Variants in CPEB1 observed in about 807,000 individuals in gnomAD.
The protein encoded by CPEB1 is cytoplasmic polyadenylation element binding protein 1, also known as cytoplasmic polyadenylation element-binding protein 1.
A neutral mutation model predicts 65.8 loss-of-function variants in CPEB1; 7 were observed. That is an observed-to-expected ratio of 0.11 (90% CI 0.06 to 0.20). CPEB1 has a LOEUF of 0.20. CPEB1 is among the 10% of genes least tolerant of loss of function. The pLI is 1.00. For synonymous variants in CPEB1, 262 were observed against 260.0 expected, an observed-to-expected ratio of 1.01 and a Z score of -0.08; for missense variants, 551 against 712.2, an observed-to-expected ratio of 0.77 and a Z score of 2.58.
intron 1 of CPEB1, among the ~76,000 whole-genome samples, chr15:82,646,512 G>T (rs1446289278): frequency 6.6e-6 from 1 of 152,126 alleles, no homozygotes; most frequent in Non-Finnish European, 1.5e-5. Context: ...AGGCACCCCG[G>T]CTTCTAAGAG....
chr15:82,566,870 G>A (rs1229668999), intron 4 of CPEB1, among the ~76,000 whole-genome samples: 1 of 151,882 alleles, frequency 6.6e-6, no homozygotes, highest in Non-Finnish European at 1.5e-5. Flanking sequence ...TTACATCACC[G>A]TCCCCTAGAA....
chr15:82,636,836 A>T (rs767666541), intron 1 of CPEB1, among the ~76,000 whole-genome samples: 6 of 152,200 alleles, frequency 3.9e-5, no homozygotes, highest in Non-Finnish European at 8.8e-5. Context: ...ACCTTCATAA[A>T]TGGTAGTGAC....
Position 82,557,859 on chromosome 15 carries a change from G to A in CPEB1, c.588C>T (p.Arg196=), listed in dbSNP as rs752207571. The change falls in exon 5 of 13, where the codon CGC becomes CGT. Residue 196 remains arginine, a synonymous_variant. Coordinates refer to ENST00000684509, the MANE Select transcript of CPEB1 (RefSeq NM_001365242.1). ...KFPAPSVRGS[R]LDTRPILDSR... ...AGTCCAGGATGGGCCGGGTGTCCAG[G>A]CGTGATCCTCTAACTGAGGGTGCTG... 6.2e-7 allele frequency: 1 copy of A among 1,614,164 alleles called. No individual in the cohort carries two copies. The highest frequency in any genetic ancestry group is 1.7e-5 in the Admixed American group (1 of 60,024).
chr15:82,549,364 T>A, intron 10 of CPEB1, 96 bp downstream of exon 10: 1 of 1,272,614 alleles, frequency 7.9e-7, no homozygotes, highest in Non-Finnish European at 1.1e-6. Flanking sequence ...CAGACCTGGG[T>A]CAGGCCTCTC....
intron 3 of CPEB1, among the ~76,000 whole-genome samples, chr15:82,613,286 T>C (rs1364568681): frequency 6.6e-6 from 1 of 152,232 alleles, no homozygotes; most frequent in Non-Finnish European, 1.5e-5. Flanking sequence ...TATTCCTACA[T>C]CTATAGAATA....
At position 82,602,491 on chromosome 15, in the gene CPEB1, G is replaced by A. The variant is rs544862832; in HGVS notation, c.271+24702C>T. ...TTGAGCCCAGGAGTTTGAGGTTACA[G>A]TAAGGTATGATTGTGCCACTACCTT... On this transcript the variant is annotated intron_variant, in intron 3 of 12. Transcript: ENST00000684509. 3.3e-5 allele frequency among the ~76,000 whole-genome samples: 5 copies of A among 152,256 alleles called. No homozygotes were observed. The South Asian group carries it at 8.3e-4, about 25-fold the overall frequency.
At chr15:82,635,595 C>T (rs1396132153) in intron 1 of CPEB1, among the ~76,000 whole-genome samples, 1 of 152,038 alleles carries the variant, frequency 6.6e-6, no homozygotes, top group African/African-American at 2.4e-5. Flanking sequence ...ATAGTTCAAC[C>T]TAATATTATT....
At chr15:82,644,536 A>G (rs1404467719) in intron 1 of CPEB1, among the ~76,000 whole-genome samples, 2 of 152,138 alleles carry the variant, frequency 1.3e-5, no homozygotes, top group African/African-American at 2.4e-5. Context: ...TTTGGTCTAT[A>G]GTGTTTAAAA....
chr15:82,566,183 C>T (rs2039090331), intron 4 of CPEB1, among the ~76,000 whole-genome samples: 1 of 152,182 alleles, frequency 6.6e-6, no homozygotes, highest in Non-Finnish European at 1.5e-5. Flanking sequence ...AAGAGCCTGG[C>T]ACTGAATGCC....
At chr15:82,629,471 T>C (rs1204792098) in intron 1 of CPEB1, 4 of 983,978 alleles carry the variant, frequency 4.1e-6, no homozygotes, top group Non-Finnish European at 4.8e-6. Context: ...TAAAAAATCA[T>C]GAACCCTTAC....
chr15:82,599,023 AAAAT>A (rs962066772), intron 3 of CPEB1, among the ~76,000 whole-genome samples: 14 of 152,336 alleles, frequency 9.2e-5, no homozygotes, highest in African/African-American at 3.4e-4. Context: ...ACAAAGTTTT[AAAAT>A]AAATAATAAT....
At chr15:82,615,692 T>C (rs2044644999) in intron 3 of CPEB1, among the ~76,000 whole-genome samples, 1 of 152,174 alleles carries the variant, frequency 6.6e-6, no homozygotes. Flanking sequence ...TTTTGAAGTA[T>C]GACAACATCT....
At chr15:82,627,118 G>T in intron 3 of CPEB1, 75 bp downstream of exon 3, 2 of 1,168,548 alleles carry the variant, frequency 1.7e-6, no homozygotes, top group South Asian at 2.2e-5. Flanking sequence ...TTCCAAGGAA[G>T]ACCTCTTACA....
At chr15:82,618,643 G>C (rs1416226239) in intron 3 of CPEB1, among the ~76,000 whole-genome samples, 1 of 152,020 alleles carries the variant, frequency 6.6e-6, no homozygotes, top group African/African-American at 2.4e-5. Context: ...ATCTACTTCT[G>C]GAGCCAACAC....
intron 1 of CPEB1, among the ~76,000 whole-genome samples, chr15:82,631,301 A>C (rs558863009): frequency 4.8e-4 from 73 of 152,258 alleles, no homozygotes; most frequent in Admixed American, 1.5e-3. Flanking sequence ...TCTCTCACAT[A>C]CATCAAGCCA....
At chr15:82,548,633 C>A in intron 10 of CPEB1, 1 of 434,428 alleles carries the variant, frequency 2.3e-6, no homozygotes, top group Non-Finnish European at 4.6e-6. Context: ...GTAAGCCCAG[C>A]AGTTGAACTG....
At chr15:82,619,705 A>G (rs967992914) in intron 3 of CPEB1, among the ~76,000 whole-genome samples, 17 of 152,184 alleles carry the variant, frequency 1.1e-4, no homozygotes, top group African/African-American at 4.1e-4. Flanking sequence ...ATCAGTCACT[A>G]AGGACATGAA....
intron 3 of CPEB1, among the ~76,000 whole-genome samples, chr15:82,583,945 C>T (rs770117443): frequency 6.6e-6 from 1 of 152,164 alleles, no homozygotes; most frequent in Non-Finnish European, 1.5e-5. Context: ...AATATTGTGA[C>T]TTGTTGCCTA....
At chr15:82,584,496 G>A (rs1048301728) in intron 3 of CPEB1, among the ~76,000 whole-genome samples, 2 of 151,376 alleles carry the variant, frequency 1.3e-5, no homozygotes, top group African/African-American at 4.9e-5. Flanking sequence ...TGGCCAACAT[G>A]GTGAAACCCC....
Sources: gnomAD v4.1 joint callset for allele counts (sites outside exome capture counted in the v4.1 genomes callset) on GRCh38, gnomAD v4.1.1 for gene constraint, MANE v1.5 for transcripts, NCBI Gene and HGNC (gene_info 2026-07-23, HGNC 2026-07-21) for gene names.